ORC3: variants seen among roughly 807,000 people sequenced by gnomAD.
ORC3 encodes origin recognition complex subunit 3, also known as homolog of latheo, Drosophila.
Under a neutral mutation model 100.7 loss-of-function variants are expected in ORC3, and 78 were observed. The ratio of observed to expected loss-of-function variants is 0.77; its 90% CI spans 0.65 to 0.94. The LOEUF (loss-of-function observed/expected upper bound fraction) is 0.94. Among genes scored for constraint, ORC3 ranks in the 40% least tolerant of loss-of-function variants. The pLI is 0.00. For synonymous variants in ORC3, 295 were observed against 289.3 expected, an observed-to-expected ratio of 1.02 and a Z score of -0.20; for missense variants, 789 against 823.9, an observed-to-expected ratio of 0.96 and a Z score of 0.52.
chr6:87,676,032 A>G, the ORC3 span: 5 of 945,856 alleles, frequency 5.3e-6, no homozygotes, highest in Non-Finnish European at 8.1e-6. Flanking sequence ...CTAAGTTGAC[A>G]AAATCACTTA....
At chr6:87,608,980 A>G in intron 6 of ORC3, 116 bp from the exon 7 acceptor site, 3 of 785,192 alleles carry the variant, frequency 3.8e-6, no homozygotes, top group Non-Finnish European at 5.6e-6. Context: ...TGGTAGAAAA[A>G]AAATAAACAG....
In ORC3 at chr6:87,653,214, T is replaced by G; in HGVS notation, c.1481T>G (p.Ile494Arg). 2 of 1,613,946 alleles carry G rather than the reference T, an allele frequency of 1.2e-6. No individual in the cohort carries two copies. The highest frequency in any genetic ancestry group is 1.7e-6 in the Non-Finnish European group (2 of 1,179,868). ...ENHLGSTAKR[I>R]EEFLAQFQSL... Reference sequence around the variant, plus strand: ...CACCTTGGCAGCACAGCTAAGAGAATAGAGGAGTTCCTGGCCCAGTTTCAG... The same window carrying G: ...CACCTTGGCAGCACAGCTAAGAGAAGAGAGGAGTTCCTGGCCCAGTTTCAG... The change falls in exon 14 of 20, where the codon ATA becomes AGA. Residue 494 changes from isoleucine (I) to arginine (R), a missense_variant. Ile to Arg is a moderately conservative substitution (Grantham distance 97). This residue lies in a region of ORC3 where 366 missense variants were observed against 394.2 expected (regional missense o/e 0.93). Transcript: ENST00000392844.
intron 13 of ORC3, chr6:87,651,012 A>T (rs942499293): frequency 1.6e-5 from 6 of 365,004 alleles, no homozygotes; most frequent in Non-Finnish European, 3.2e-5. Context: ...CGTCTCAAAG[A>T]AAAAACAAAA....
chr6:87,655,214 T>G (rs1390870609), intron 14 of ORC3, among the ~76,000 whole-genome samples: 1 of 152,170 alleles, frequency 6.6e-6, no homozygotes, highest in African/African-American at 2.4e-5. Flanking sequence ...AGACAGGATC[T>G]TGCTGTGTTG....
the ORC3 span, among the ~76,000 whole-genome samples, chr6:87,677,041 C>T: frequency 2.0e-5 from 3 of 150,136 alleles, no homozygotes; most frequent in Non-Finnish European, 4.4e-5. Flanking sequence ...TGCGCCACTG[C>T]ACTCCAGCCT....
intron 12 of ORC3, 79 bp downstream of exon 12, chr6:87,635,040 G>A: frequency 1.2e-6 from 1 of 806,566 alleles, no homozygotes. Flanking sequence ...TAGCATTCAG[G>A]CATCAGAATG....
intron 8 of ORC3, among the ~76,000 whole-genome samples, chr6:87,613,806 G>A (rs1035934089): frequency 2.0e-5 from 3 of 152,196 alleles, no homozygotes; most frequent in Non-Finnish European, 4.4e-5. Context: ...TGATGCAAGA[G>A]GTGGGTTCCC....
Position 87,665,800 on chromosome 6 carries a change from C to T in ORC3, c.1997C>T (p.Ser666Phe). ...GCTGCTGAAAAAATGGATGCAAATT[C>T]TGCAACCTCAGAAGAAATGAATGAA... ...VTAAEKMDAN[S>F]ATSEEMNEII... is the part of the protein sequence containing the mutation. Residue 666 changes from serine (S) to phenylalanine (F), a missense_variant, in exon 19 of 20, where the codon TCT becomes TTT. Ser to Phe is a radical substitution (Grantham distance 155, BLOSUM62 -2). Around this residue, in one of 3 missense-constraint regions of ORC3, gnomAD observed 366 missense variants for 394.2 expected, o/e 0.93. Transcript: ENST00000392844. 1 of 1,611,392 alleles carries T rather than the reference C, an allele frequency of 6.2e-7. No homozygotes were observed. Among genetic ancestry groups the T allele is most frequent in the South Asian group, 1.1e-5 (1 of 90,978 alleles).
At chr6:87,636,141 C>T (rs566032812) in intron 12 of ORC3, among the ~76,000 whole-genome samples, 2 of 152,048 alleles carry the variant, frequency 1.3e-5, no homozygotes, top group African/African-American at 4.8e-5. Flanking sequence ...ACCGTGTTAA[C>T]CAGGATGGTC....
chr6:87,637,254 A>G (rs917620853), intron 13 of ORC3, among the ~76,000 whole-genome samples: 4 of 152,220 alleles, frequency 2.6e-5, no homozygotes, highest in Non-Finnish European at 4.4e-5. Context: ...GGCCCACAAG[A>G]AAAGAACAGA....
At chr6:87,613,229 T>C (rs977687240) in intron 8 of ORC3, among the ~76,000 whole-genome samples, 6 of 152,178 alleles carry the variant, frequency 3.9e-5, no homozygotes, top group Non-Finnish European at 8.8e-5. Flanking sequence ...ACATCTTACA[T>C]AGATGGCAGC....
At chr6:87,622,094 A>G (rs575774533) in intron 11 of ORC3, 81 bp downstream of exon 11, 2 of 908,838 alleles carry the variant, frequency 2.2e-6, no homozygotes, top group South Asian at 1.5e-5. Context: ...TATTGAGTTA[A>G]TAAAACATAT....
intron 11 of ORC3, among the ~76,000 whole-genome samples, chr6:87,627,591 C>T (rs1468358507): frequency 1.3e-5 from 2 of 152,012 alleles, no homozygotes; most frequent in African/African-American, 4.8e-5. Flanking sequence ...CCACCACACC[C>T]AGCCAATATG....
intron 3 of ORC3, among the ~76,000 whole-genome samples, chr6:87,602,912 T>TA (rs55851353): frequency 5.5e-5 from 2 of 36,242 alleles, no homozygotes; most frequent in Non-Finnish European, 9.7e-5. Flanking sequence ...ATATTATATA[T>TA]TATATATATA....
intron 13 of ORC3, among the ~76,000 whole-genome samples, chr6:87,639,825 CA>C (rs548788316): frequency 0.018 from 1,078 of 58,796 alleles, 8 homozygotes; most frequent in Middle Eastern, 0.078. Context: ...GCCAAAAATA[CA>C]AAAAAAAAAA....
Position 87,663,032 on chromosome 6 carries a change from C to T in ORC3, c.1721C>T (p.Pro574Leu), listed in dbSNP as rs1193566667. The T allele has an allele frequency of 6.2e-7, 1 of 1,610,408 alleles. No individual in the cohort carries two copies. The highest frequency in any genetic ancestry group is 2.2e-5 in the East Asian group (1 of 44,844). Residue 574 changes from proline to leucine, a missense_variant, in exon 17 of 20, where the codon CCT becomes CTT. By Grantham distance (98) the Pro-to-Leu change is moderately conservative (BLOSUM62 -3). This residue lies in a region of ORC3 where 366 missense variants were observed against 394.2 expected (regional missense o/e 0.93). Coordinates refer to ENST00000392844, the MANE Select transcript of ORC3 (RefSeq NM_012381.4). ...REYLLPPETQ[P>L]LHEVVYFSAA... ...TACCTTCTGCCTCCTGAGACACAGC[C>T]TCTCCATGAGGTGGTGTACTTCAGT...
At chr6:87,653,968 C>T (rs1769473842) in intron 14 of ORC3, among the ~76,000 whole-genome samples, 1 of 152,082 alleles carries the variant, frequency 6.6e-6, no homozygotes, top group Non-Finnish European at 1.5e-5. Flanking sequence ...TTTCTAGCAC[C>T]AAAGTATGGT....
At chr6:87,650,835 C>G (rs1450819945) in intron 13 of ORC3, 2 of 249,336 alleles carry the variant, frequency 8.0e-6, no homozygotes, top group South Asian at 5.0e-5. Context: ...TGGTGAAACC[C>G]TGCCTCTACT....
intron 12 of ORC3, among the ~76,000 whole-genome samples, chr6:87,635,701 G>T (rs1767763244): frequency 6.6e-6 from 1 of 151,914 alleles, no homozygotes; most frequent in African/African-American, 2.4e-5. Context: ...GGAGGCTGAG[G>T]CAGGAGGATG....
Sources: gnomAD v4.1 joint callset for allele counts (sites outside exome capture counted in the v4.1 genomes callset) on GRCh38, gnomAD v4.1.1 for gene constraint, gnomAD v4.1.1 regional missense constraint, MANE v1.5 for transcripts, NCBI Gene and HGNC (gene_info 2026-07-23, HGNC 2026-07-21) for gene names.